BHLHE40: variants seen among roughly 807,000 people sequenced by gnomAD.
BHLHE40 encodes the protein basic helix-loop-helix family member e40, also known as class E basic helix-loop-helix protein 40.
BHLHE40 carries 3 observed loss-of-function variants against 35.7 expected under a neutral mutation model. The observed-to-expected ratio is 0.08, with a 90% CI of 0.04 to 0.22. The LOEUF is 0.22. Ranked by LOEUF, BHLHE40 falls within the 10% of genes least tolerant of loss-of-function variation. BHLHE40 has a pLI of 1.00. For missense variants in BHLHE40, 486 were observed against 524.0 expected (o/e 0.93, Z 0.71); for synonymous variants, 236 against 213.0 (o/e 1.11, Z -0.94).
chr3:4,983,323 C>A lies in BHLHE40; in HGVS notation c.870C>A (p.Asn290Lys). The change falls in exon 5 of 5, where the codon AAC becomes AAA. Residue 290 changes from asparagine to lysine, a missense_variant. Physicochemically the swap from Asn to Lys is moderately conservative, Grantham distance 94. This residue lies in a region of BHLHE40 where 206 missense variants were observed against 208.9 expected (regional missense o/e 0.99). Coordinates refer to ENST00000256495, the MANE Select transcript of BHLHE40 (RefSeq NM_003670.3). This position sits in a 1 kb window ranked among gnomAD's most constrained non-coding sequence, Gnocchi z 5.0. Reference sequence around the variant, plus strand: ...CCGAAGAACCCCCCACAAAAAAGAACCGGATGCAGCTTTCGGATGATGAAG... The same window carrying A: ...CCGAAGAACCCCCCACAAAAAAGAAACGGATGCAGCTTTCGGATGATGAAG... ...QESEEPPTKK[N>K]RMQLSDDEGH... 1.2e-6 allele frequency: 2 copies of A among 1,614,230 alleles called. No homozygotes were observed. Among genetic ancestry groups the A allele is most frequent in the Non-Finnish European group, 1.7e-6 (2 of 1,180,042 alleles).
At chr3:4,981,183 TATAC>T (rs1239786334) in intron 3 of BHLHE40, among the ~76,000 whole-genome samples, 3 of 6,286 alleles carry the variant, frequency 4.8e-4, no homozygotes, top group Admixed American at 2.1e-3. Flanking sequence ...ATTATATATA[TATAC>T]ACACACACAC....
At position 4,982,715 on chromosome 3, in the gene BHLHE40, C is replaced by A. The variant is rs984876303; in HGVS notation, c.383-121C>A. 4 of 1,275,342 alleles carry A rather than the reference C, an allele frequency of 3.1e-6. No homozygotes were observed. The African/African-American group carries it at 4.7e-5, about 15-fold the overall frequency. 79.0% of individuals were successfully genotyped at this position (1,275,342 alleles called of 1,614,324 possible). On this transcript the variant is annotated intron_variant, in intron 4 of 4. Coordinates refer to ENST00000256495, the MANE Select transcript of BHLHE40 (RefSeq NM_003670.3). ...CATACTACTTTTGGAGTTAGGAACA[C>A]AAATCAGTAAATGCATTTTTTTTTT...
chr3:4,981,740 G>A, intron 4 of BHLHE40: 1 of 462,998 alleles, frequency 2.2e-6, no homozygotes, highest in Non-Finnish European at 3.7e-6. Context: ...TATTCCTGTG[G>A]CATTTTAGCT....
At position 4,983,857 on chromosome 3, in the gene BHLHE40, T is replaced by TGTGTGTGC; in HGVS notation, c.*168_*169insTGTGCGTG. 1.1e-6 allele frequency: 1 copy of TGTGTGTGC among 947,362 alleles called. No individual in the cohort carries two copies. The highest frequency in any genetic ancestry group is 1.5e-6 in the Non-Finnish European group (1 of 648,986). The allele number at this position is 947,362 out of a possible 1,614,324, so 58.7% of individuals were successfully genotyped here. On this transcript the variant is annotated 3_prime_UTR_variant, in exon 5 of 5. Coordinates refer to ENST00000256495, the MANE Select transcript of BHLHE40 (RefSeq NM_003670.3). This position sits in a 1 kb window ranked among gnomAD's most constrained non-coding sequence, Gnocchi z 5.0. ...GTGTGTGTGTGTGTGTGTGTGTGTA[T>TGTGTGTGC]GTGCGTGTGCGTGCACATGTGTGCC...
Position 4,979,528 on chromosome 3 carries a change from C to A in BHLHE40, c.-191C>A. 1.6e-6 allele frequency: 1 copy of A among 631,876 alleles called. No individual in the cohort carries two copies. The highest frequency in any genetic ancestry group is 2.7e-6 in the Non-Finnish European group (1 of 365,396). The allele number at this position is 631,876 out of a possible 1,614,324, so 39.1% of individuals were successfully genotyped here. A position where few individuals can be genotyped will look rare whatever the true frequency, so the allele number is the denominator to read the frequency against. On this transcript the variant is annotated 5_prime_UTR_variant, in exon 1 of 5. Transcript: ENST00000256495. The stretch of plus-strand genomic sequence containing the variant: ...GTCGGAGCCAGAGGCCGCGGGGACA[C>A]CGGGCCATGCACGCCCCCAACTGAA...
chr3:4,981,702 A>G (rs2053199154), intron 4 of BHLHE40, 187 bp downstream of exon 4: 2 of 672,274 alleles, frequency 3.0e-6, no homozygotes, highest in African/African-American at 3.6e-5. Context: ...GCCACCTGGC[A>G]TGAATACGTA....
chr3:4,981,252 A>G (rs2053193844), intron 3 of BHLHE40, 140 bp from the exon 4 acceptor site: 1 of 878,724 alleles, frequency 1.1e-6, no homozygotes, highest in Admixed American at 2.6e-5. Flanking sequence ...TTTTAAAAGC[A>G]TGACCTACAG....
At position 4,983,032 on chromosome 3, in the gene BHLHE40, C is replaced by T; in HGVS notation, c.579C>T (p.Asp193=). 2 of 1,614,040 alleles carry T rather than the reference C, an allele frequency of 1.2e-6. No individual in the cohort carries two copies. Among genetic ancestry groups the T allele is most frequent in the Non-Finnish European group, 1.7e-6 (2 of 1,179,964 alleles). The part of the protein sequence containing the change: ...LQGGTSRKPS[D]PAPKVMDFKE... ...GTGGTACCTCCAGGAAGCCATCAGA[C>T]CCAGCTCCCAAAGTGATGGACTTCA... The change falls in exon 5 of 5, where the codon GAC becomes GAT. Residue 193 remains aspartate, a synonymous_variant. Transcript: ENST00000256495. The surrounding 1 kb of genome is among the most constrained non-coding windows in gnomAD (Gnocchi z 5.0).
rs1413662535 is a variant in BHLHE40, at chr3:4,983,549, A to T, written c.1096A>T (p.Met366Leu). 6.2e-7 allele frequency: 1 copy of T among 1,614,126 alleles called. No individual in the cohort carries two copies. Among genetic ancestry groups the T allele is most frequent in the Non-Finnish European group, 8.5e-7 (1 of 1,180,016 alleles). ...CTCTGCCGCAGCCCTCTCTAGCTTC[A>T]TGAACCCAGACAAGATCTCGGCTCC... The part of the protein sequence containing the change: ...NASAAALSSF[M>L]NPDKISAPLL... Residue 366 changes from methionine (M) to leucine (L), a missense_variant, in exon 5 of 5, where the codon ATG (methionine) becomes TTG (leucine). By Grantham distance (15) the Met-to-Leu change is conservative. Coordinates refer to ENST00000256495, the MANE Select transcript of BHLHE40 (RefSeq NM_003670.3). This position sits in a 1 kb window ranked among gnomAD's most constrained non-coding sequence, Gnocchi z 5.0.
At chr3:4,979,912 T>TG (rs1348675220) in intron 1 of BHLHE40, 50 bp from the exon 2 acceptor site, 6 of 1,611,360 alleles carry the variant, frequency 3.7e-6, no homozygotes, top group East Asian at 2.2e-5. Flanking sequence ...GCAGAACGCC[T>TG]GCAGCCGTGC....
At chr3:4,980,255 T>G (rs774233203) in intron 2 of BHLHE40, 46 bp from the exon 3 acceptor site, 1 of 1,531,334 alleles carries the variant, frequency 6.5e-7, no homozygotes, top group South Asian at 1.1e-5. Flanking sequence ...GATAGGCTTC[T>G]CATCTCCTTC....
In BHLHE40 at chr3:4,981,494, C is replaced by T. The variant is rs2053196461; in HGVS notation, c.361C>T (p.Leu121=). 6.2e-7 allele frequency: 1 copy of T among 1,613,966 alleles called. No homozygotes were observed. Among genetic ancestry groups the T allele is most frequent in the Non-Finnish European group, 8.5e-7 (1 of 1,179,912 alleles). ...IDQQQQKIIA[L]QSGLQAGELS... ...TCAGCAGCAGCAGAAAATCATTGCCCTGCAGAGTGGTTTACAAGCTGGTGA... is the reference window on the plus strand; with the variant it reads ...TCAGCAGCAGCAGAAAATCATTGCCTTGCAGAGTGGTTTACAAGCTGGTGA... The change falls in exon 4 of 5, where the codon CTG becomes TTG. Residue 121 remains leucine, a synonymous_variant. Coordinates refer to ENST00000256495, the MANE Select transcript of BHLHE40 (RefSeq NM_003670.3).
chr3:4,980,071 T>C, intron 2 of BHLHE40, 40 bp downstream of exon 2: 1 of 1,603,592 alleles, frequency 6.2e-7, no homozygotes, highest in Non-Finnish European at 8.5e-7. Flanking sequence ...GCTCAGCCCC[T>C]CGCGCGCGCT....
At chr3:4,980,718 A>T (rs1008155823) in intron 3 of BHLHE40, among the ~76,000 whole-genome samples, 2 of 152,060 alleles carry the variant, frequency 1.3e-5, no homozygotes, top group African/African-American at 2.4e-5. Flanking sequence ...GCCAAGAAAC[A>T]CACACATTTT....
Position 4,979,467 on chromosome 3 carries a change from C to G in BHLHE40, c.-252C>G, listed in dbSNP as rs549849482. 2.0e-6 allele frequency: 1 copy of G among 492,056 alleles called. No individual in the cohort carries two copies. Among genetic ancestry groups the G allele is most frequent in the East Asian group, 3.4e-5 (1 of 29,740 alleles). 30.5% of individuals were successfully genotyped at this position (492,056 alleles called of 1,614,324 possible). On this transcript the variant is annotated 5_prime_UTR_variant, in exon 1 of 5. Transcript: ENST00000256495. ...CTTGGCTCGCACGGCGCAGACAGAC[C>G]GCGCAGGGAGCACACACCGCCAGTC...
In BHLHE40 at chr3:4,983,167, C is replaced by G. The variant is rs1272264898; in HGVS notation, c.714C>G (p.Asp238Glu). ...CGAGTGGGGAGCAGAGCGGCAGCGACACGGACACAGACAGTGGCTATGGAG... is the reference window on the plus strand; with the variant it reads ...CGAGTGGGGAGCAGAGCGGCAGCGAGACGGACACAGACAGTGGCTATGGAG... ...AHSSGEQSGS[D>E]TDTDSGYGGE... Residue 238 changes from aspartate (D) to glutamate (E), a missense_variant, in exon 5 of 5, where the codon GAC (aspartate) becomes GAG (glutamate). Physicochemically the swap from Asp to Glu is conservative, Grantham distance 45. Transcript: ENST00000256495. The surrounding 1 kb of genome is among the most constrained non-coding windows in gnomAD (Gnocchi z 5.0). 6.2e-7 allele frequency: 1 copy of G among 1,614,146 alleles called. No individual in the cohort carries two copies. The highest frequency in any genetic ancestry group is 8.5e-7 in the Non-Finnish European group (1 of 1,179,974).
chr3:4,985,201 T>A lies in BHLHE40; in HGVS notation c.*1509T>A, dbSNP rs11914971. On this transcript the variant is annotated 3_prime_UTR_variant, in exon 5 of 5. Coordinates refer to ENST00000256495, the MANE Select transcript of BHLHE40 (RefSeq NM_003670.3). ...GAGAAAGATGGTCTCCTGAGTTTTT[T>A]AAAATAGCTCACTTGGTGTGATATG... 0.1 allele frequency: 15,721 copies of A among 152,562 alleles called. 1,336 individuals are homozygous for A. The highest frequency in any genetic ancestry group is 0.23 in the African/African-American group (9,735 of 41,452). 9.5% of individuals were successfully genotyped at this position (152,562 alleles called of 1,614,324 possible).
chr3:4,982,694 C>A, intron 4 of BHLHE40, 142 bp from the exon 5 acceptor site: 1 of 976,930 alleles, frequency 1.0e-6, no homozygotes, highest in South Asian at 1.6e-5. Context: ...TCTGAGCATA[C>A]TACTTTTGGA....
Position 4,981,298 on chromosome 3 carries a change from T to G in BHLHE40, c.259-94T>G. Reference sequence around the variant, plus strand: ...GCCAACCAGGAAACACTATTCCACTTTTTTTTTTCTTTTCTCATTTCTCAT... The same window carrying G: ...GCCAACCAGGAAACACTATTCCACTGTTTTTTTTCTTTTCTCATTTCTCAT... On this transcript the variant is annotated intron_variant, in intron 3 of 4. Coordinates refer to ENST00000256495, the MANE Select transcript of BHLHE40 (RefSeq NM_003670.3). 2 of 1,428,568 alleles carry G rather than the reference T, an allele frequency of 1.4e-6. 1 individual carries two copies. Among genetic ancestry groups the G allele is most frequent in the Non-Finnish European group, 1.9e-6 (2 of 1,068,830 alleles). 88.5% of individuals were successfully genotyped at this position (1,428,568 alleles called of 1,614,324 possible). A position where few individuals can be genotyped will look rare whatever the true frequency, so the allele number is the denominator to read the frequency against.
Sources: allele counts gnomAD v4.1 joint callset (sites outside exome capture counted in the v4.1 genomes callset), GRCh38; gene constraint gnomAD v4.1.1; regional missense constraint gnomAD v4.1.1; non-coding constraint Gnocchi (gnomAD v3.1); transcripts MANE v1.5; gene names NCBI Gene and HGNC (gene_info 2026-07-23, HGNC 2026-07-21).